The following IKZF3 variants were observed in gnomAD, a reference collection of about 807,000 sequenced individuals.
IKZF3 encodes IKAROS family zinc finger 3.
A neutral mutation model predicts 49.0 loss-of-function variants in IKZF3; 10 were observed. The observed-to-expected ratio is 0.20, with a 90% confidence interval of 0.13 to 0.35. The LOEUF is 0.35. IKZF3 is among the 10% of genes least tolerant of loss of function. IKZF3 has a pLI of 1.00. For missense variants in IKZF3, 498 were observed against 664.8 expected (o/e 0.75, Z 2.76); for synonymous variants, 209 against 228.2 (o/e 0.92, Z 0.76).
intron 3 of IKZF3, among the ~76,000 whole-genome samples, chr17:39,803,270 T>C (rs775707077): frequency 1.7e-4 from 26 of 152,196 alleles, no homozygotes; most frequent in Non-Finnish European, 2.5e-4. Context: ...ATTATAACAA[T>C]TACTTTTTCT....
intron 7 of IKZF3, among the ~76,000 whole-genome samples, 169 bp from the exon 8 acceptor site, chr17:39,766,662 G>A (rs926429481): frequency 2.6e-5 from 4 of 152,178 alleles, no homozygotes; most frequent in African/African-American, 9.7e-5. Context: ...GACACTGGTC[G>A]GCAGCAACGT....
chr17:39,779,227 G>A (rs1372159690), intron 6 of IKZF3, among the ~76,000 whole-genome samples: 1 of 152,184 alleles, frequency 6.6e-6, no homozygotes, highest in Non-Finnish European at 1.5e-5. Context: ...TTGCAAGGCC[G>A]AGGCGGGCAG....
chr17:39,834,898 G>A, intron 1 of IKZF3: 2 of 331,940 alleles, frequency 6.0e-6, no homozygotes, highest in South Asian at 2.6e-5. Flanking sequence ...CTGCACAGTG[G>A]CCTCCTCCAC....
intron 3 of IKZF3, among the ~76,000 whole-genome samples, chr17:39,810,692 C>A (rs1324833274): frequency 6.7e-6 from 1 of 150,006 alleles, no homozygotes; most frequent in Non-Finnish European, 1.5e-5. Flanking sequence ...AATGTGTTTT[C>A]TTCTGGATTG....
intron 3 of IKZF3, among the ~76,000 whole-genome samples, chr17:39,816,489 A>G (rs907363299): frequency 6.6e-6 from 1 of 152,214 alleles, no homozygotes; most frequent in African/African-American, 2.4e-5. Flanking sequence ...AGCCACTCAC[A>G]TTCATTTATG....
At chr17:39,858,085 A>T (rs1222259249) in intron 1 of IKZF3, among the ~76,000 whole-genome samples, 6 of 152,210 alleles carry the variant, frequency 3.9e-5, no homozygotes, top group Admixed American at 3.9e-4. Flanking sequence ...TCCTTAGATA[A>T]TTCAGAGTAG....
intron 3 of IKZF3, among the ~76,000 whole-genome samples, chr17:39,797,890 C>T (rs75646943): frequency 0.021 from 3,136 of 152,086 alleles, 49 homozygotes; most frequent in Non-Finnish European, 0.025. Context: ...CTTAAGGCTT[C>T]GACTAACATC....
In IKZF3 at chr17:39,796,960, C is replaced by A. The variant is rs529357089; in HGVS notation, c.164-4027G>T. ...CGGGTGGATCATGAGGTCAGGAGAT[C>A]GAGACCATCCTGACTAACATGGTGA... On this transcript the variant is annotated intron_variant, in intron 3 of 7. Transcript: ENST00000346872. Among the ~76,000 whole-genome samples, 7 of 151,266 alleles carry A rather than the reference C, an allele frequency of 4.6e-5. No homozygotes were observed. In the East Asian group the frequency reaches 1.2e-3, roughly 26 times the overall value.
intron 1 of IKZF3, among the ~76,000 whole-genome samples, chr17:39,847,984 CCTAA>C (rs1158995972): frequency 2.6e-5 from 4 of 152,068 alleles, no homozygotes; most frequent in Non-Finnish European, 5.9e-5. Flanking sequence ...TTTCAAACAC[CCTAA>C]CTGACTGTGC....
chr17:39,836,632 A>G (rs28392589), intron 1 of IKZF3, among the ~76,000 whole-genome samples: 8,313 of 152,280 alleles, frequency 0.055, 329 homozygotes, highest in African/African-American at 0.11. Context: ...ATCTCCAAAT[A>G]TGACTGTTGA....
At chr17:39,830,841 AAC>A (rs2062089690) in intron 2 of IKZF3, among the ~76,000 whole-genome samples, 1 of 152,208 alleles carries the variant, frequency 6.6e-6, no homozygotes. Context: ...GCCATGACCA[AAC>A]ACACGCGGGA....
At chr17:39,786,974 C>T (rs988681334) in intron 6 of IKZF3, among the ~76,000 whole-genome samples, 6 of 152,194 alleles carry the variant, frequency 3.9e-5, no homozygotes, top group African/African-American at 1.4e-4. Context: ...AGTTTCCTCT[C>T]ACTCAAAATG....
chr17:39,836,154 G>C (rs2062273839), intron 1 of IKZF3: 2 of 660,096 alleles, frequency 3.0e-6, no homozygotes, highest in Admixed American at 4.2e-5. Flanking sequence ...GGATGTTGGG[G>C]TCCACCTCCA....
At chr17:39,836,222 C>T in intron 1 of IKZF3, 1 of 629,518 alleles carries the variant, frequency 1.6e-6, no homozygotes, top group South Asian at 1.7e-5. Flanking sequence ...CCTCCTATAA[C>T]CACCAGCTCG....
At chr17:39,819,323 T>G (rs2061749019) in intron 3 of IKZF3, among the ~76,000 whole-genome samples, 1 of 152,134 alleles carries the variant, frequency 6.6e-6, no homozygotes, top group Non-Finnish European at 1.5e-5. Context: ...AACTACAAAT[T>G]TAATGGTATT....
At chr17:39,786,185 T>C (rs958567443) in intron 6 of IKZF3, among the ~76,000 whole-genome samples, 5 of 152,238 alleles carry the variant, frequency 3.3e-5, no homozygotes, top group Admixed American at 6.5e-5. Context: ...ATGTGCACTT[T>C]AAAAAGGTAA....
chr17:39,811,393 A>C (rs745830544), intron 3 of IKZF3, among the ~76,000 whole-genome samples: 35 of 135,036 alleles, frequency 2.6e-4, no homozygotes, highest in Non-Finnish European at 4.9e-4. Flanking sequence ...GAAGGAAGAA[A>C]GGACGGAAGG....
chr17:39,789,228 G>A (rs1031154492), intron 5 of IKZF3, among the ~76,000 whole-genome samples: 11 of 152,146 alleles, frequency 7.2e-5, no homozygotes, highest in African/African-American at 2.7e-4. Context: ...TCAGGAGTTC[G>A]AGACCAGCCT....
At position 39,770,808 on chromosome 17, in the gene IKZF3, CT is replaced by C. The variant is rs35880653; in HGVS notation, c.827-4316del. On this transcript the variant is annotated intron_variant, in intron 7 of 7. Transcript: ENST00000346872. ...TTTACCAGCCCATTAGGGGTTGATA[CT>C]TTTTTTTTTTTTTTGAGACAGAGTC... is the stretch of plus-strand genomic sequence containing the variant. 4.2e-3 allele frequency among the ~76,000 whole-genome samples: 574 copies of C among 136,674 alleles called. 1 individual carries two copies. The highest frequency in any genetic ancestry group is 4.6e-3 in the Non-Finnish European group (289 of 63,226). The allele number at this position is 136,674 out of a possible 152,430, so 89.7% of individuals were successfully genotyped here.
Sources: gnomAD v4.1 joint callset for allele counts (sites outside exome capture counted in the v4.1 genomes callset) on GRCh38, gnomAD v4.1.1 for gene constraint, MANE v1.5 for transcripts, NCBI Gene and HGNC (gene_info 2026-07-23, HGNC 2026-07-21) for gene names.